CDYL: variants seen among roughly 807,000 people sequenced by gnomAD.
CDYL encodes the protein chromodomain Y like.
CDYL carries 8 observed loss-of-function variants against 47.3 expected under a neutral mutation model. The observed-to-expected ratio is 0.17, with a 90% CI of 0.10 to 0.31. The LOEUF (loss-of-function observed/expected upper bound fraction) is 0.31, where lower values mean the gene tolerates loss of function less well. Ranked by LOEUF, CDYL falls within the 10% of genes least tolerant of loss-of-function variation. The pLI is 1.00. For synonymous variants in CDYL, 266 were observed against 265.0 expected (o/e 1.00, Z -0.04); for missense variants, 471 against 701.4 (o/e 0.67, Z 3.71).
chr6:4,890,116 A>T (rs1213082719), intron 1 of CDYL: 1 of 985,306 alleles, frequency 1.0e-6, no homozygotes, highest in Non-Finnish European at 1.2e-6. Context: ...TGGAGTGGAC[A>T]TTGATTTAAG....
intron 1 of CDYL, among the ~76,000 whole-genome samples, chr6:4,822,718 A>G (rs1013106775): frequency 2.6e-5 from 4 of 152,004 alleles, no homozygotes; most frequent in Admixed American, 6.5e-5. Flanking sequence ...ATGAAACCCT[A>G]TTTCATGTGT....
intron 2 of CDYL, among the ~76,000 whole-genome samples, chr6:4,726,487 G>T (rs964586649): frequency 1.4e-5 from 2 of 145,570 alleles, no homozygotes; most frequent in African/African-American, 2.6e-5. Flanking sequence ...AGCCAAGATC[G>T]CACCATTGCA....
At chr6:4,729,878 A>G (rs1334529988) in intron 2 of CDYL, among the ~76,000 whole-genome samples, 1 of 152,150 alleles carries the variant, frequency 6.6e-6, no homozygotes, top group African/African-American at 2.4e-5. Context: ...CGATCACGCT[A>G]CTACACTCCA....
chr6:4,938,147 C>T (rs943475347), intron 4 of CDYL, among the ~76,000 whole-genome samples: 2 of 152,114 alleles, frequency 1.3e-5, no homozygotes, highest in African/African-American at 4.8e-5. Context: ...ACCATTTGCT[C>T]GACTCTGAAG....
At chr6:4,752,157 G>T (rs531669676) in intron 3 of CDYL, among the ~76,000 whole-genome samples, 1 of 152,112 alleles carries the variant, frequency 6.6e-6, no homozygotes, top group Non-Finnish European at 1.5e-5. Flanking sequence ...GTTAATATTC[G>T]CAGCATATCC....
intron 3 of CDYL, among the ~76,000 whole-genome samples, chr6:4,742,801 T>C (rs1757820672): frequency 6.6e-6 from 1 of 152,232 alleles, no homozygotes; most frequent in Non-Finnish European, 1.5e-5. Context: ...CCTCTATGGC[T>C]ATATCTGAGC....
chr6:4,777,020 G>T (rs181570806), intron 1 of CDYL, among the ~76,000 whole-genome samples: 7,899 of 146,920 alleles, frequency 0.054, 308 homozygotes, highest in Non-Finnish European at 0.084. Context: ...GCCGGGCGTG[G>T]GGTGGGGGGG....
At position 4,833,666 on chromosome 6, in the gene CDYL, A is replaced by C. The variant is rs1413854369; in HGVS notation, c.24+56859A>C. 2.6e-5 allele frequency among the ~76,000 whole-genome samples: 4 copies of C among 151,418 alleles called. No homozygotes were observed. The South Asian group carries it at 6.2e-4, about 24-fold the overall frequency. On this transcript the variant is annotated intron_variant, in intron 1 of 6. Coordinates refer to ENST00000397588, the MANE Select transcript of CDYL (RefSeq NM_004824.4). Reference sequence around the variant, plus strand: ...TCTTGTTGATCTGTCTAATGTTGACAGTGGGGTATTAAAGTCTCCCATTAT... The same window carrying C: ...TCTTGTTGATCTGTCTAATGTTGACCGTGGGGTATTAAAGTCTCCCATTAT...
At chr6:4,735,804 G>A (rs1259407281) in intron 3 of CDYL, among the ~76,000 whole-genome samples, 1 of 152,102 alleles carries the variant, frequency 6.6e-6, no homozygotes, top group African/African-American at 2.4e-5. Context: ...ATGTATACGT[G>A]CACCCCCATG....
upstream of CDYL, among the ~76,000 whole-genome samples, chr6:4,775,706 G>C (rs1024763115): frequency 1.3e-5 from 2 of 148,298 alleles, no homozygotes; most frequent in African/African-American, 2.4e-5. The surrounding 1 kb of genome is among the most constrained non-coding windows in gnomAD (Gnocchi z 7.0). Context: ...GTGCCAGCCG[G>C]AGCTCGCCGG....
intron 1 of CDYL, among the ~76,000 whole-genome samples, chr6:4,811,361 T>C (rs1759522783): frequency 6.6e-6 from 1 of 152,300 alleles, no homozygotes; most frequent in African/African-American, 2.4e-5. Context: ...AAATAGCATT[T>C]TTAAAAGTAC....
intron 2 of CDYL, 90 bp downstream of exon 2, chr6:4,892,469 C>A: frequency 7.3e-7 from 1 of 1,367,804 alleles, no homozygotes; most frequent in South Asian, 1.4e-5. Context: ...TGGGCAGAGT[C>A]CGGGGCTTCT....
chr6:4,929,070 G>A (rs9502252), intron 2 of CDYL, among the ~76,000 whole-genome samples: 194 of 152,206 alleles, frequency 1.3e-3, no homozygotes, highest in African/African-American at 4.3e-3. Context: ...CTTCTGTCTG[G>A]TATTATTTTC....
intron 1 of CDYL, among the ~76,000 whole-genome samples, chr6:4,854,985 A>G (rs934424094): frequency 6.6e-6 from 1 of 152,240 alleles, no homozygotes; most frequent in Non-Finnish European, 1.5e-5. Flanking sequence ...ATTATGAAAT[A>G]TATGAATAGG....
intron 1 of CDYL, among the ~76,000 whole-genome samples, chr6:4,849,876 A>G (rs1388559164): frequency 7.8e-6 from 1 of 128,636 alleles, no homozygotes; most frequent in Admixed American, 9.6e-5. Flanking sequence ...TGATGGTGAG[A>G]TGGTGTGACG....
At chr6:4,868,194 G>A (rs527354931) in intron 1 of CDYL, among the ~76,000 whole-genome samples, 21 of 151,724 alleles carry the variant, frequency 1.4e-4, no homozygotes, top group Non-Finnish European at 2.9e-4. Context: ...TCAATAGAAA[G>A]ATTAGATTAT....
chr6:4,729,802 C>T (rs958985692), intron 2 of CDYL, among the ~76,000 whole-genome samples: 4 of 152,044 alleles, frequency 2.6e-5, no homozygotes, highest in Non-Finnish European at 5.9e-5. Flanking sequence ...TATGTGGTCC[C>T]AGCTACTCAG....
At chr6:4,932,443 A>C (rs899286138) in intron 2 of CDYL, among the ~76,000 whole-genome samples, 1 of 150,822 alleles carries the variant, frequency 6.6e-6, no homozygotes, top group Admixed American at 6.6e-5. Flanking sequence ...CAAAGGCCCC[A>C]CCTCCTCAGA....
intron 1 of CDYL, among the ~76,000 whole-genome samples, chr6:4,791,010 G>T (rs544909368): frequency 8.0e-4 from 122 of 152,310 alleles, no homozygotes; most frequent in African/African-American, 2.8e-3. Flanking sequence ...AGACCCCAAA[G>T]GTAGGTACAA....
Sources: gnomAD v4.1 joint callset for allele counts (sites outside exome capture counted in the v4.1 genomes callset) on GRCh38, gnomAD v4.1.1 for gene constraint, Gnocchi (gnomAD v3.1) non-coding constraint, MANE v1.5 for transcripts, NCBI Gene and HGNC (gene_info 2026-07-23, HGNC 2026-07-21) for gene names.